ACTR3B: variants seen among roughly 807,000 people sequenced by gnomAD.
The protein encoded by ACTR3B is actin-related protein 3B.
ACTR3B carries 8 observed loss-of-function variants against 59.0 expected under a neutral mutation model. The observed-to-expected ratio is 0.14, with a 90% CI of 0.08 to 0.24. The LOEUF is 0.24. Ranked by LOEUF, ACTR3B falls within the 10% of genes least tolerant of loss-of-function variation. The pLI is 1.00. For missense variants in ACTR3B, 245 were observed against 552.3 expected (o/e 0.44, Z 5.58); for synonymous variants, 148 against 197.9 (o/e 0.75, Z 2.12).
chr7:152,828,644 G>A (rs150082287), intron 9 of ACTR3B, among the ~76,000 whole-genome samples: 2,231 of 152,284 alleles, frequency 0.015, 49 homozygotes, highest in African/African-American at 0.05. Flanking sequence ...TTCTCTGGAC[G>A]GCCGCTCATT....
intron 9 of ACTR3B, 127 bp downstream of exon 9, chr7:152,825,249 G>T: frequency 2.1e-6 from 2 of 972,240 alleles, no homozygotes; most frequent in Non-Finnish European, 2.9e-6. Flanking sequence ...CATAGGATTT[G>T]TTAAAGACAA....
chr7:152,837,287 G>A (rs116758599), intron 9 of ACTR3B, among the ~76,000 whole-genome samples: 2,001 of 152,194 alleles, frequency 0.013, 11 homozygotes, highest in African/African-American at 0.045. Flanking sequence ...ACTTTGAGAT[G>A]AGTTGGAAAG....
At chr7:152,781,646 A>G (rs1389273702) in intron 1 of ACTR3B, among the ~76,000 whole-genome samples, 6 of 152,184 alleles carry the variant, frequency 3.9e-5, no homozygotes, top group Non-Finnish European at 7.3e-5. Flanking sequence ...TTCCATAGGC[A>G]TCTTTAGCCT....
chr7:152,771,730 G>GTCCT (rs1341204443), intron 1 of ACTR3B, among the ~76,000 whole-genome samples: 1 of 152,202 alleles, frequency 6.6e-6, no homozygotes, highest in Non-Finnish European at 1.5e-5. Context: ...ACTGTGAACT[G>GTCCT]TAAAAAATTC....
At chr7:152,810,948 A>G (rs1590331648) in intron 4 of ACTR3B, 2 of 152,256 alleles carry the variant, frequency 1.3e-5, no homozygotes, top group East Asian at 3.9e-4. Flanking sequence ...GTTGAAGCAG[A>G]AGGATATTTA....
At chr7:152,853,779 C>T (rs1010513013) in intron 11 of ACTR3B, among the ~76,000 whole-genome samples, 2 of 152,106 alleles carry the variant, frequency 1.3e-5, no homozygotes, top group South Asian at 2.1e-4. Context: ...TTTAATGGTG[C>T]GATCTCAGCT....
At chr7:152,760,296 C>T (rs1463179555) in intron 1 of ACTR3B, among the ~76,000 whole-genome samples, 1 of 151,818 alleles carries the variant, frequency 6.6e-6, no homozygotes, top group Non-Finnish European at 1.5e-5. Context: ...ATCTCCCCTC[C>T]TAGGAATATT....
At chr7:152,828,465 G>A (rs953014112) in intron 9 of ACTR3B, among the ~76,000 whole-genome samples, 10 of 152,136 alleles carry the variant, frequency 6.6e-5, no homozygotes, top group African/African-American at 2.4e-4. Context: ...TCCCTGCTAC[G>A]CTCCCTTCTG....
At chr7:152,817,290 A>G (rs923215033) in intron 6 of ACTR3B, among the ~76,000 whole-genome samples, 20 of 152,078 alleles carry the variant, frequency 1.3e-4, no homozygotes, top group Non-Finnish European at 1.6e-4. Context: ...CTGAGGCAGG[A>G]GAATCGCTTG....
At chr7:152,806,714 C>G (rs531667451) in intron 4 of ACTR3B, among the ~76,000 whole-genome samples, 11 of 151,954 alleles carry the variant, frequency 7.2e-5, no homozygotes, top group African/African-American at 2.7e-4. Context: ...AAGGAGCTTT[C>G]CTGGCAACCA....
intron 1 of ACTR3B, among the ~76,000 whole-genome samples, chr7:152,773,512 G>A (rs192231821): frequency 1.3e-5 from 2 of 152,002 alleles, no homozygotes; most frequent in Non-Finnish European, 2.9e-5. Flanking sequence ...GCTTGAACCC[G>A]GGAGGTGGCA....
At chr7:152,851,766 C>A (rs9986710) in intron 9 of ACTR3B, among the ~76,000 whole-genome samples, 1 of 151,984 alleles carries the variant, frequency 6.6e-6, no homozygotes, top group Admixed American at 6.5e-5. Flanking sequence ...TTAAGGCGGA[C>A]CAGGGGAGAG....
At chr7:152,769,125 T>A (rs1046137276) in intron 1 of ACTR3B, among the ~76,000 whole-genome samples, 7 of 152,162 alleles carry the variant, frequency 4.6e-5, no homozygotes, top group Middle Eastern at 3.2e-3. Context: ...AGTGCTGGGA[T>A]TACAGGGGTG....
Position 152,778,556 on chromosome 7 carries a change from T to C in ACTR3B, c.45-4631T>C, listed in dbSNP as rs2098141958. On this transcript the variant is annotated intron_variant, in intron 1 of 11. Coordinates refer to ENST00000256001, the MANE Select transcript of ACTR3B (RefSeq NM_020445.6). The stretch of plus-strand genomic sequence containing the variant: ...CTGGCCTTTTTTCACTACTTCTTAA[T>C]TGCATAGTTTGAATTGAAAAGCATT... Among the ~76,000 whole-genome samples the C allele has an allele frequency of 2.0e-5, 3 of 152,156 alleles. No homozygotes were observed. In the South Asian group the frequency reaches 6.2e-4, roughly 32 times the overall value.
intron 1 of ACTR3B, among the ~76,000 whole-genome samples, chr7:152,766,219 C>A (rs1243589888): frequency 6.6e-6 from 1 of 152,166 alleles, no homozygotes; most frequent in African/African-American, 2.4e-5. Flanking sequence ...GGGCAAGCTT[C>A]CCGAGTCCTC....
At chr7:152,818,704 C>A (rs1795911029) in intron 6 of ACTR3B, among the ~76,000 whole-genome samples, 1 of 152,246 alleles carries the variant, frequency 6.6e-6, no homozygotes, top group African/African-American at 2.4e-5. Flanking sequence ...CTGTCTTGGC[C>A]TCCCAAGGTG....
intron 1 of ACTR3B, among the ~76,000 whole-genome samples, chr7:152,761,603 G>T (rs1590176822): frequency 6.6e-6 from 1 of 152,158 alleles, no homozygotes; most frequent in Non-Finnish European, 1.5e-5. Context: ...AACTTCTATA[G>T]ATCATTGTTT....
At chr7:152,811,038 T>C (rs1795190830) in intron 4 of ACTR3B, 1 of 152,008 alleles carries the variant, frequency 6.6e-6, no homozygotes, top group African/African-American at 2.4e-5. Context: ...AGTTCATTTT[T>C]TTAAATTGTT....
intron 9 of ACTR3B, among the ~76,000 whole-genome samples, chr7:152,833,164 T>C (rs1402470087): frequency 2.6e-5 from 4 of 152,156 alleles, no homozygotes; most frequent in African/African-American, 9.7e-5. Flanking sequence ...ATCACAGCAG[T>C]TGCAGGCCGA....
Sources: allele counts gnomAD v4.1 joint callset (sites outside exome capture counted in the v4.1 genomes callset), GRCh38; gene constraint gnomAD v4.1.1; transcripts MANE v1.5; gene names NCBI Gene and HGNC (gene_info 2026-07-23, HGNC 2026-07-21).